Variants in SOS2 observed in about 807,000 individuals in gnomAD.
SOS2 encodes son of sevenless homolog 2.
In SOS2, 65 loss-of-function variants were observed where a neutral mutation model predicts 148.2. The ratio of observed to expected loss-of-function variants is 0.44; its 90% confidence interval spans 0.36 to 0.54. The LOEUF (loss-of-function observed/expected upper bound fraction) is 0.54. SOS2 is among the 20% of genes least tolerant of loss of function. The pLI is 0.00. For synonymous variants in SOS2, 539 were observed against 537.1 expected (o/e 1.00, Z -0.05); for missense variants, 1,341 against 1,590.2 (o/e 0.84, Z 2.67).
rs199651967 is a variant in SOS2, at chr14:50,159,825, G to A, written c.1458C>T (p.Tyr486=). ...TCATGACAAATTTTTCTTTTAACCT[G>A]TATTCTGCACTACTGTAACCTGGAA... ...TRLPGYSSAE[Y]RLKEKFVMRK... The change falls in exon 10 of 23, where the codon TAC becomes TAT. Residue 486 remains tyrosine, a synonymous_variant. Coordinates refer to ENST00000216373, the MANE Select transcript of SOS2 (RefSeq NM_006939.4). 58 of 1,613,900 alleles carry A rather than the reference G, an allele frequency of 3.6e-5. No homozygotes were observed. In the Middle Eastern group the frequency reaches 6.6e-4, roughly 18 times the overall value.
At chr14:50,227,154 C>T (rs1793502546) in intron 1 of SOS2, among the ~76,000 whole-genome samples, 2 of 151,672 alleles carry the variant, frequency 1.3e-5, no homozygotes, top group Admixed American at 1.3e-4. Context: ...TAAGAACAAG[C>T]AAAAAGCTAA....
intron 19 of SOS2, among the ~76,000 whole-genome samples, chr14:50,132,354 T>TAAAAA (rs886376742): frequency 6.4e-5 from 4 of 62,984 alleles, no homozygotes; most frequent in Admixed American, 2.1e-4. Context: ...CTATTGCCAT[T>TAAAAA]AAAAAAAAAA....
chr14:50,199,517 C>T (rs1292415835), intron 4 of SOS2, among the ~76,000 whole-genome samples, 174 bp downstream of exon 4: 3 of 152,028 alleles, frequency 2.0e-5, no homozygotes, highest in Non-Finnish European at 4.4e-5. Context: ...CCCCATCCTG[C>T]CATATGCTTA....
At chr14:50,182,849 T>C (rs1212446679) in intron 5 of SOS2, among the ~76,000 whole-genome samples, 1 of 152,208 alleles carries the variant, frequency 6.6e-6, no homozygotes, top group Non-Finnish European at 1.5e-5. Flanking sequence ...GCCCCAACTT[T>C]GGGGCTTACC....
At chr14:50,181,320 C>T (rs919772272) in intron 6 of SOS2, among the ~76,000 whole-genome samples, 2 of 151,870 alleles carry the variant, frequency 1.3e-5, no homozygotes, top group Admixed American at 6.6e-5. Flanking sequence ...TGGTGGCAGG[C>T]GCCTGTAATC....
intron 5 of SOS2, among the ~76,000 whole-genome samples, chr14:50,185,277 T>TA (rs1361991568): frequency 2.6e-5 from 4 of 152,118 alleles, no homozygotes. Flanking sequence ...TAGAGGTAAA[T>TA]AATGTCAAAA....
At chr14:50,226,832 T>C (rs551186574) in intron 1 of SOS2, among the ~76,000 whole-genome samples, 2 of 152,340 alleles carry the variant, frequency 1.3e-5, no homozygotes, top group African/African-American at 2.4e-5. Flanking sequence ...ATTTCCCATA[T>C]GAAGAATGCT....
intron 4 of SOS2, among the ~76,000 whole-genome samples, chr14:50,194,877 G>T (rs113991308): frequency 6.6e-6 from 1 of 151,568 alleles, no homozygotes; most frequent in African/African-American, 2.4e-5. Flanking sequence ...TGCAACCTCC[G>T]CCTCTCAGAT....
chr14:50,220,405 C>CAAAAAAAAAAAAAAAAA lies in SOS2; in HGVS notation c.87+10775_87+10791dup, dbSNP rs367829144. On this transcript the variant is annotated intron_variant, in intron 1 of 22. Coordinates refer to ENST00000216373, the MANE Select transcript of SOS2 (RefSeq NM_006939.4). ...TGGGCGACAGAGCGAGACTCCATCT[C>CAAAAAAAAAAAAAAAAA]AAAAAAAAAAAAAAAAAGAACAGAC... Among the ~76,000 whole-genome samples the CAAAAAAAAAAAAAAAAA allele has an allele frequency of 5.3e-3, 162 of 30,336 alleles. 17 individuals carry two copies. Among genetic ancestry groups the CAAAAAAAAAAAAAAAAA allele is most frequent in the Middle Eastern group, 0.028 (1 of 36 alleles). 19.9% of individuals were successfully genotyped at this position (30,336 alleles called of 152,430 possible).
chr14:50,153,062 T>A lies in SOS2; in HGVS notation c.2161+8A>T. The A allele has an allele frequency of 7.3e-7, 1 of 1,368,142 alleles. No individual in the cohort carries two copies. The allele number at this position is 1,368,142 out of a possible 1,614,324, so 84.8% of individuals were successfully genotyped here. A position where few individuals can be genotyped will look rare whatever the true frequency, so the allele number is the denominator to read the frequency against. On this transcript the variant is annotated splice_region_variant and intron_variant, in intron 13 of 22. Transcript: ENST00000216373. The stretch of plus-strand genomic sequence containing the variant: ...TATAAGATTCAATCAAACCTTTATA[T>A]AATATACCTCTTACACTTGAAATGA...
chr14:50,207,830 C>T (rs1294314735), intron 1 of SOS2, among the ~76,000 whole-genome samples: 2 of 149,764 alleles, frequency 1.3e-5, no homozygotes, highest in Non-Finnish European at 3.0e-5. Flanking sequence ...TGCTTGAACC[C>T]GGGAGACAGA....
intron 3 of SOS2, among the ~76,000 whole-genome samples, chr14:50,200,056 A>C (rs1261860037): frequency 6.6e-6 from 1 of 152,190 alleles, no homozygotes; most frequent in Non-Finnish European, 1.5e-5. Flanking sequence ...CATCTAATCT[A>C]ACAACTCTGC....
At position 50,120,360 on chromosome 14, in the gene SOS2, C is replaced by T; in HGVS notation, c.3404G>A (p.Ser1135Asn). 6.3e-7 allele frequency: 1 copy of T among 1,593,204 alleles called. No homozygotes were observed. The highest frequency in any genetic ancestry group is 8.6e-7 in the Non-Finnish European group (1 of 1,163,224). Reference protein sequence around the residue: ...HSKSFFSSCGSLHKLSEEPLI... With the variant: ...HSKSFFSSCGNLHKLSEEPLI... ...GGGCTCTTCACTTAGTTTATGTAAA[C>T]TACCACATGAACTAAAGAAAGACTC... Residue 1135 changes from serine to asparagine, a missense_variant, in exon 22 of 23, where the codon AGT (serine) becomes AAT (asparagine). By Grantham distance (46) the Ser-to-Asn change is conservative. Coordinates refer to ENST00000216373, the MANE Select transcript of SOS2 (RefSeq NM_006939.4).
Position 50,231,354 on chromosome 14 carries a change from C to T in SOS2, c.-71G>A. The T allele has an allele frequency of 1.6e-6, 1 of 641,180 alleles. No homozygotes were observed. The highest frequency in any genetic ancestry group is 2.0e-6 in the Non-Finnish European group (1 of 492,890). The allele number at this position is 641,180 out of a possible 1,614,324, so 39.7% of individuals were successfully genotyped here. On this transcript the variant is annotated 5_prime_UTR_variant, in exon 1 of 23. Coordinates refer to ENST00000216373, the MANE Select transcript of SOS2 (RefSeq NM_006939.4). ...GGCCGGTGGCCTGACAGGCAGGGCGCGGGCCGCCTCGCCTCGCCGGCGGCC... is the reference window on the plus strand; with the variant it reads ...GGCCGGTGGCCTGACAGGCAGGGCGTGGGCCGCCTCGCCTCGCCGGCGGCC...
chr14:50,146,201 T>C (rs1388644966), intron 14 of SOS2, among the ~76,000 whole-genome samples: 1 of 147,048 alleles, frequency 6.8e-6, no homozygotes, highest in Non-Finnish European at 1.5e-5. Context: ...AAAAATATAA[T>C]AAAACAGGAA....
chr14:50,229,811 G>A (rs1263241346), intron 1 of SOS2, among the ~76,000 whole-genome samples: 1 of 152,182 alleles, frequency 6.6e-6, no homozygotes, highest in East Asian at 1.9e-4. Flanking sequence ...AGGCCTACCT[G>A]ATTACTGCAC....
intron 4 of SOS2, among the ~76,000 whole-genome samples, chr14:50,189,061 TCACACACACACACACACA>T (rs10599812): frequency 7.8e-6 from 1 of 128,686 alleles, no homozygotes; most frequent in Admixed American, 8.5e-5. Context: ...CGAGACTCCA[TCACACACACACACACACA>T]CACACACACA....
intron 16 of SOS2, among the ~76,000 whole-genome samples, chr14:50,143,420 A>AATACATATTC (rs1212148654): frequency 6.6e-6 from 1 of 152,030 alleles, no homozygotes; most frequent in Admixed American, 6.6e-5. Flanking sequence ...GTACCCAATA[A>AATACATATTC]ATACATATTC....
chr14:50,152,544 T>C (rs545369679), intron 13 of SOS2, among the ~76,000 whole-genome samples: 34 of 152,350 alleles, frequency 2.2e-4, no homozygotes, highest in African/African-American at 7.9e-4. Flanking sequence ...AAAAGAAATA[T>C]TCTCCTCAAA....
Sources: allele counts gnomAD v4.1 joint callset (sites outside exome capture counted in the v4.1 genomes callset), GRCh38; gene constraint gnomAD v4.1.1; transcripts MANE v1.5; gene names NCBI Gene and HGNC (gene_info 2026-07-23, HGNC 2026-07-21).